Variants in ARNT observed in about 807,000 individuals in gnomAD.
The protein encoded by ARNT is aryl hydrocarbon receptor nuclear translocator.
ARNT carries 30 observed loss-of-function variants against 105.0 expected under a neutral mutation model. The ratio of observed to expected loss-of-function variants is 0.29; its 90% CI spans 0.21 to 0.39. The LOEUF (loss-of-function observed/expected upper bound fraction) is 0.39, where lower values mean the gene tolerates loss of function less well. Ranked by LOEUF, ARNT falls within the 10% of genes least tolerant of loss-of-function variation. The pLI is 1.00. For missense variants in ARNT, 748 were observed against 978.7 expected (o/e 0.76, Z 3.15); for synonymous variants, 304 against 344.0 (o/e 0.88, Z 1.29).
intron 20 of ARNT, 83 bp from the exon 21 acceptor site, chr1:150,813,421 G>A: frequency 7.2e-7 from 1 of 1,398,012 alleles, no homozygotes. Flanking sequence ...ACAACTATAG[G>A]TAAGCCATTA....
chr1:150,870,347 T>C (rs965439092), intron 1 of ARNT, among the ~76,000 whole-genome samples: 2 of 152,240 alleles, frequency 1.3e-5, no homozygotes, highest in Non-Finnish European at 2.9e-5. Flanking sequence ...AGGTATTTCA[T>C]ATTAACAGTG....
intron 10 of ARNT, 155 bp from the exon 11 acceptor site, chr1:150,830,135 G>T (rs1659099963): frequency 1.4e-6 from 1 of 723,816 alleles, no homozygotes; most frequent in Non-Finnish European, 2.2e-6. Flanking sequence ...AAGGTGGGCG[G>T]ATCACTTGAG....
In ARNT at chr1:150,829,227, C is replaced by T. The variant is rs1658870563; in HGVS notation, c.1033G>A (p.Val345Ile). 6.2e-7 allele frequency: 1 copy of T among 1,613,020 alleles called. No individual in the cohort carries two copies. Among genetic ancestry groups the T allele is most frequent in the Non-Finnish European group, 8.5e-7 (1 of 1,179,368 alleles). ...FCLVAIGRLQ[V>I]TSSPNCTDMS... Reference sequence around the variant, plus strand: ...TCTGTACAGTTGGGAGAACTAGTTACCTGAGAGTGAAGAGATAAAAATGAG... The same window carrying T: ...TCTGTACAGTTGGGAGAACTAGTTATCTGAGAGTGAAGAGATAAAAATGAG... The change falls in exon 12 of 22, where the codon GTA (valine) becomes ATA (isoleucine). Residue 345 changes from valine (V) to isoleucine (I), a missense_variant and splice_region_variant. Transcript: ENST00000358595.
chr1:150,857,584 A>T (rs1664857440), intron 2 of ARNT, among the ~76,000 whole-genome samples: 1 of 152,220 alleles, frequency 6.6e-6, no homozygotes, highest in African/African-American at 2.4e-5. Context: ...CACAATTTTT[A>T]AAAAGAAAAA....
chr1:150,849,263 A>C (rs1210986071), intron 3 of ARNT, among the ~76,000 whole-genome samples: 5 of 152,126 alleles, frequency 3.3e-5, no homozygotes, highest in Non-Finnish European at 7.4e-5. Flanking sequence ...CCACACAATC[A>C]AATCATTTTT....
intron 6 of ARNT, 131 bp from the exon 7 acceptor site, chr1:150,836,624 C>G: frequency 1.1e-6 from 1 of 878,848 alleles, no homozygotes; most frequent in East Asian, 2.7e-5. Flanking sequence ...ACACCTGATC[C>G]ACAGCCACAG....
At chr1:150,875,487 T>TCTCCGCCCCC (rs1355484383) in intron 1 of ARNT, among the ~76,000 whole-genome samples, 4 of 151,552 alleles carry the variant, frequency 2.6e-5, no homozygotes, top group Admixed American at 2.6e-4. Flanking sequence ...TTCAAGAAAT[T>TCTCCGCCCCC]CTCCGCCCCA....
At position 150,826,554 on chromosome 1, in the gene ARNT, T is replaced by C. The variant is rs370611763; in HGVS notation, c.1231A>G (p.Ser411Gly). Residue 411 changes from serine to glycine, a missense_variant, in exon 13 of 22, where the codon AGC becomes GGC. Coordinates refer to ENST00000358595, the MANE Select transcript of ARNT (RefSeq NM_001668.4). Reference sequence around the variant, plus strand: ...AGGAAAAAAGTTACCTGTTGGAAGCTGTCTCTTAGAAGCTGCTGGTCTTCA... The same window carrying C: ...AGGAAAAAAGTTACCTGTTGGAAGCCGTCTCTTAGAAGCTGCTGGTCTTCA... ...HPEDQQLLRD[S>G]FQQVVKLKGQ... 1.2e-6 allele frequency: 2 copies of C among 1,612,720 alleles called. No homozygotes were observed. Among genetic ancestry groups the C allele is most frequent in the Non-Finnish European group, 1.7e-6 (2 of 1,179,082 alleles).
At chr1:150,871,294 GTTTTTTTTTTTT>G (rs754698911) in intron 1 of ARNT, among the ~76,000 whole-genome samples, 1 of 94,620 alleles carries the variant, frequency 1.1e-5, no homozygotes, top group Non-Finnish European at 2.0e-5. Flanking sequence ...GGCAGTCGTG[GTTTTTTTTTTTT>G]TTTTTTTTTT....
intron 6 of ARNT, among the ~76,000 whole-genome samples, chr1:150,838,648 T>C (rs1160695284): frequency 1.3e-5 from 2 of 152,272 alleles, no homozygotes; most frequent in Non-Finnish European, 2.9e-5. Flanking sequence ...ACTTGATTGA[T>C]ACTGAAGTAA....
intron 14 of ARNT, 95 bp downstream of exon 14, chr1:150,823,099 C>T: frequency 1.2e-5 from 15 of 1,268,236 alleles, no homozygotes; most frequent in Non-Finnish European, 1.6e-5. Context: ...TGTGTTGTTG[C>T]TTGATTGTTT....
chr1:150,844,547 G>A (rs752095926), intron 4 of ARNT, among the ~76,000 whole-genome samples: 3 of 151,984 alleles, frequency 2.0e-5, no homozygotes, highest in South Asian at 2.1e-4. Flanking sequence ...CATCAGCAAC[G>A]AACAAATACT....
chr1:150,862,217 G>C (rs587749892), intron 1 of ARNT, among the ~76,000 whole-genome samples: 1 of 152,120 alleles, frequency 6.6e-6, no homozygotes, highest in South Asian at 2.1e-4. Flanking sequence ...ATGTTTCAAG[G>C]AACATCATTG....
At chr1:150,853,029 C>G in intron 2 of ARNT, 1 of 552,062 alleles carries the variant, frequency 1.8e-6, no homozygotes, top group South Asian at 2.1e-5. Context: ...GCCTGTAATC[C>G]CAGCACTTTG....
intron 2 of ARNT, among the ~76,000 whole-genome samples, chr1:150,855,168 C>A (rs1469065881): frequency 1.3e-5 from 2 of 152,056 alleles, no homozygotes; most frequent in African/African-American, 4.8e-5. Context: ...CAAAGAAGTT[C>A]TTTTTAGCAT....
intron 8 of ARNT, among the ~76,000 whole-genome samples, chr1:150,834,212 A>T (rs1659865211): frequency 6.6e-6 from 1 of 152,102 alleles, no homozygotes; most frequent in African/African-American, 2.4e-5. Context: ...AAGTGCTGGG[A>T]TTACAGCCTT....
chr1:150,813,453 T>C (rs587669786), intron 20 of ARNT, 115 bp from the exon 21 acceptor site: 2 of 1,075,568 alleles, frequency 1.9e-6, no homozygotes, highest in Admixed American at 6.8e-5. Flanking sequence ...GATAACTCTG[T>C]CCTTCTCTCT....
chr1:150,823,488 A>G, intron 13 of ARNT, 143 bp from the exon 14 acceptor site: 1 of 717,960 alleles, frequency 1.4e-6, no homozygotes, highest in Admixed American at 3.0e-5. Flanking sequence ...AAACAAAATG[A>G]GAGTAAAAAC....
At chr1:150,863,532 A>T (rs994368437) in intron 1 of ARNT, among the ~76,000 whole-genome samples, 8 of 152,078 alleles carry the variant, frequency 5.3e-5, no homozygotes, top group African/African-American at 1.9e-4. Context: ...ACTGGGCCTT[A>T]AAAAAAGTAA....
Sources: allele counts gnomAD v4.1 joint callset (sites outside exome capture counted in the v4.1 genomes callset), GRCh38; gene constraint gnomAD v4.1.1; transcripts MANE v1.5; gene names NCBI Gene and HGNC (gene_info 2026-07-23, HGNC 2026-07-21).